TTC29: variants seen among roughly 807,000 people sequenced by gnomAD.
The protein encoded by TTC29 is tetratricopeptide repeat domain 29.
A neutral mutation model predicts 58.1 loss-of-function variants in TTC29; 49 were observed. That is an observed-to-expected ratio of 0.84 (90% CI 0.67 to 1.07). The LOEUF is 1.07. Among genes scored for constraint, TTC29 ranks in the 50% least tolerant of loss-of-function variants. TTC29 has a pLI of 0.00. For missense variants in TTC29, 582 were observed against 555.6 expected, an observed-to-expected ratio of 1.05 and a Z score of -0.48; for synonymous variants, 209 against 196.8, an observed-to-expected ratio of 1.06 and a Z score of -0.52.
intron 8 of TTC29, among the ~76,000 whole-genome samples, chr4:146,834,659 A>C (rs935700567): frequency 6.6e-6 from 1 of 152,204 alleles, no homozygotes; most frequent in Admixed American, 6.5e-5. Flanking sequence ...AAAGACCTCT[A>C]TGGAAATCCT....
intron 2 of TTC29, 141 bp downstream of exon 2, chr4:146,944,890 C>A (rs1289296328): frequency 6.6e-6 from 1 of 151,806 alleles, no homozygotes; most frequent in Non-Finnish European, 1.5e-5. Flanking sequence ...TTGGACACTT[C>A]TGGCACTCTC....
rs569043552 is a variant in TTC29, at chr4:146,728,143, C to T, written c.1331-20592G>A. Reference sequence around the variant, plus strand: ...CTCTACTAAAAATACAAAAATTAGCCGGGCGAGGTGGTGGGCACCTATAAT... The same window carrying T: ...CTCTACTAAAAATACAAAAATTAGCTGGGCGAGGTGGTGGGCACCTATAAT... On this transcript the variant is annotated intron_variant, in intron 11 of 12. Transcript: ENST00000325106. 6.6e-5 allele frequency among the ~76,000 whole-genome samples: 10 copies of T among 151,772 alleles called. No homozygotes were observed. In the South Asian group the frequency reaches 1.7e-3, roughly 25 times the overall value.
chr4:146,838,286 C>G (rs1728639731), intron 8 of TTC29, among the ~76,000 whole-genome samples: 1 of 151,876 alleles, frequency 6.6e-6, no homozygotes, highest in Non-Finnish European at 1.5e-5. Context: ...TGGGGATATG[C>G]TACAGATTCT....
intron 4 of TTC29, among the ~76,000 whole-genome samples, chr4:146,933,150 A>G (rs1461613721): frequency 6.6e-6 from 1 of 152,236 alleles, no homozygotes; most frequent in African/African-American, 2.4e-5. Context: ...AACTGCCACT[A>G]AGCTTGCTGA....
Position 146,799,593 on chromosome 4 carries a change from T to C in TTC29, c.1330+3864A>G, listed in dbSNP as rs77242941. On this transcript the variant is annotated intron_variant, in intron 11 of 12. Transcript: ENST00000325106. The stretch of plus-strand genomic sequence containing the variant: ...GTTGCCAGTCAAGGAAACCTTTACA[T>C]GCCATTTTGTAGAAAACAGTGTCTT... 2.2e-4 allele frequency among the ~76,000 whole-genome samples: 34 copies of C among 152,318 alleles called. No individual in the cohort carries two copies. In the East Asian group the frequency reaches 5.6e-3, roughly 25 times the overall value.
chr4:146,845,034 AGTT>A (rs10579721), intron 8 of TTC29, among the ~76,000 whole-genome samples: 9,317 of 152,148 alleles, frequency 0.061, 395 homozygotes, highest in Admixed American at 0.13. Context: ...GGGGTCTTCC[AGTT>A]CCCAAGAATC....
intron 11 of TTC29, among the ~76,000 whole-genome samples, chr4:146,790,667 C>G (rs1749381657): frequency 6.6e-6 from 1 of 152,104 alleles, no homozygotes; most frequent in Admixed American, 6.5e-5. Flanking sequence ...GTTGAAAAGC[C>G]AGATACTCAC....
At chr4:146,835,756 A>G (rs1195656021) in intron 8 of TTC29, among the ~76,000 whole-genome samples, 1 of 152,020 alleles carries the variant, frequency 6.6e-6, no homozygotes, top group Non-Finnish European at 1.5e-5. Flanking sequence ...CCTGATCTCC[A>G]TGGGCTCTGA....
At chr4:146,942,729 T>A in intron 2 of TTC29, 1 of 1,011,036 alleles carries the variant, frequency 9.9e-7, no homozygotes, top group Admixed American at 2.4e-5. Flanking sequence ...TAAGTTTGCC[T>A]CATTTGGGGC....
intron 8 of TTC29, among the ~76,000 whole-genome samples, chr4:146,864,182 T>C (rs190365051): frequency 6.6e-6 from 1 of 152,202 alleles, no homozygotes; most frequent in Admixed American, 6.5e-5. Flanking sequence ...ATATCCAAAA[T>C]TGAACTCTCC....
At chr4:146,893,207 GAGCTCGCATCACCA>G (rs1164792999) in intron 6 of TTC29, among the ~76,000 whole-genome samples, 2 of 152,120 alleles carry the variant, frequency 1.3e-5, no homozygotes, top group African/African-American at 4.8e-5. Context: ...AACCAAAACA[GAGCTCGCATCACCA>G]AGTCAATCCT....
At chr4:146,832,785 C>T (rs377510119) in intron 9 of TTC29, among the ~76,000 whole-genome samples, 1 of 152,132 alleles carries the variant, frequency 6.6e-6, no homozygotes, top group African/African-American at 2.4e-5. Flanking sequence ...AGCCACCGTG[C>T]CTGGCCTCTC....
intron 10 of TTC29, among the ~76,000 whole-genome samples, chr4:146,806,581 A>C (rs1462061438): frequency 6.6e-6 from 1 of 152,126 alleles, no homozygotes; most frequent in East Asian, 1.9e-4. Flanking sequence ...AGAGGTTGCA[A>C]TCCTAGTCTC....
intron 2 of TTC29, among the ~76,000 whole-genome samples, chr4:146,941,772 C>A (rs1041033020): frequency 5.9e-5 from 9 of 152,124 alleles, no homozygotes; most frequent in Admixed American, 5.9e-4. Flanking sequence ...TGACTTGCAT[C>A]CTGAAAAAAT....
intron 11 of TTC29, among the ~76,000 whole-genome samples, chr4:146,740,133 T>C (rs1745014632): frequency 6.6e-6 from 1 of 152,174 alleles, no homozygotes; most frequent in Admixed American, 6.6e-5. Flanking sequence ...TCTAGCCTAT[T>C]AAATAAATAA....
At chr4:146,875,068 T>C in intron 6 of TTC29, 140 bp from the exon 7 acceptor site, 2 of 677,244 alleles carry the variant, frequency 3.0e-6, no homozygotes, top group Non-Finnish European at 4.9e-6. Flanking sequence ...GAAGATGAAT[T>C]AAACTGGGAA....
intron 6 of TTC29, among the ~76,000 whole-genome samples, chr4:146,880,350 A>G (rs1230381123): frequency 6.6e-6 from 1 of 152,124 alleles, no homozygotes; most frequent in African/African-American, 2.4e-5. Context: ...TACCTAAAGG[A>G]ACAAGCACTC....
chr4:146,707,037 A>G lies in TTC29; in HGVS notation c.*121T>C. On this transcript the variant is annotated 3_prime_UTR_variant, in exon 13 of 13. Coordinates refer to ENST00000325106, the MANE Select transcript of TTC29 (RefSeq NM_031956.4). ...CACTGAAATGCAAAATCCAATGAAA[A>G]GAGTCATAGTCCGTTTTATTATAAC... 1 of 624,014 alleles carries G rather than the reference A, an allele frequency of 1.6e-6. No homozygotes were observed. The allele number at this position is 624,014 out of a possible 1,614,324, so 38.7% of individuals were successfully genotyped here.
At chr4:146,795,482 T>G (rs1561132102) in intron 11 of TTC29, among the ~76,000 whole-genome samples, 1 of 152,154 alleles carries the variant, frequency 6.6e-6, no homozygotes, top group Non-Finnish European at 1.5e-5. Context: ...TAAAGCGATA[T>G]TTGTCATGAA....
Sources: allele counts gnomAD v4.1 joint callset (sites outside exome capture counted in the v4.1 genomes callset), GRCh38; gene constraint gnomAD v4.1.1; transcripts MANE v1.5; gene names NCBI Gene and HGNC (gene_info 2026-07-23, HGNC 2026-07-21).